Variants in LRRC4C observed in about 807,000 individuals in gnomAD.
LRRC4C encodes the protein leucine-rich repeat-containing protein 4C.
A neutral mutation model predicts 33.6 loss-of-function variants in LRRC4C; 5 were observed. The ratio of observed to expected loss-of-function variants is 0.15; its 90% CI spans 0.08 to 0.31. The LOEUF (loss-of-function observed/expected upper bound fraction) is 0.31. Ranked by LOEUF, LRRC4C falls within the 10% of genes least tolerant of loss-of-function variation. LRRC4C has a pLI of 1.00. For missense variants in LRRC4C, 560 were observed against 796.7 expected (o/e 0.70, Z 3.58); for synonymous variants, 329 against 302.0 (o/e 1.09, Z -0.93).
Position 40,899,235 on chromosome 11 carries a change from C to T in LRRC4C, c.-407+34400G>A, listed in dbSNP as rs917419808. ...GTGTCCTCAAATCAGTTCTCCCTTT[C>T]TTCAGCTGTGCATCTACGATGCATT... On this transcript the variant is annotated intron_variant, in intron 2 of 6. Coordinates refer to ENST00000528697, the MANE Select transcript of LRRC4C (RefSeq NM_001258419.2). Among the ~76,000 whole-genome samples, 7 of 152,164 alleles carry T rather than the reference C, an allele frequency of 4.6e-5. No individual in the cohort carries two copies. The East Asian group carries it at 1.4e-3, about 29-fold the overall frequency.
At chr11:41,410,165 G>C (rs1954408170) in intron 1 of LRRC4C, among the ~76,000 whole-genome samples, 1 of 152,118 alleles carries the variant, frequency 6.6e-6, no homozygotes, top group Non-Finnish European at 1.5e-5. Context: ...AGTCGGGCTG[G>C]AGATGCCAGA....
chr11:41,369,864 A>T (rs959638878), intron 1 of LRRC4C, among the ~76,000 whole-genome samples: 1 of 152,224 alleles, frequency 6.6e-6, no homozygotes, highest in African/African-American at 2.4e-5. Flanking sequence ...ATGGATTTGC[A>T]TGATGACAAG....
chr11:40,740,412 T>C (rs939379203), intron 2 of LRRC4C, among the ~76,000 whole-genome samples: 1 of 152,070 alleles, frequency 6.6e-6, no homozygotes, highest in African/African-American at 2.4e-5. Flanking sequence ...TGTTGAGGAA[T>C]TTTTAATATG....
At chr11:41,459,198 G>C (rs1339373272) in intron 1 of LRRC4C, among the ~76,000 whole-genome samples, 1 of 151,996 alleles carries the variant, frequency 6.6e-6, no homozygotes, top group East Asian at 1.9e-4. Context: ...GAAAATGTTA[G>C]ATAAACAAGA....
chr11:40,947,563 A>C (rs1958461576), intron 1 of LRRC4C, among the ~76,000 whole-genome samples: 2 of 152,040 alleles, frequency 1.3e-5, no homozygotes, highest in Non-Finnish European at 2.9e-5. Flanking sequence ...AGTGTAGGGC[A>C]CTATCCCCTC....
chr11:40,543,617 C>T (rs1055401293), intron 3 of LRRC4C, among the ~76,000 whole-genome samples: 2 of 151,994 alleles, frequency 1.3e-5, no homozygotes, highest in African/African-American at 2.4e-5. Context: ...AAAATTGAGT[C>T]TTTCATTTGT....
At chr11:40,200,685 G>A (rs1255905053) in intron 5 of LRRC4C, among the ~76,000 whole-genome samples, 2 of 140,414 alleles carry the variant, frequency 1.4e-5, no homozygotes, top group Non-Finnish European at 3.0e-5. Flanking sequence ...TACATTGCTT[G>A]AACCCAGGAG....
At chr11:40,756,196 C>A (rs542636247) in intron 2 of LRRC4C, among the ~76,000 whole-genome samples, 2 of 152,056 alleles carry the variant, frequency 1.3e-5, no homozygotes, top group East Asian at 3.9e-4. Flanking sequence ...CTTCCAGCCT[C>A]CAGAACTGTG....
intron 1 of LRRC4C, among the ~76,000 whole-genome samples, chr11:41,330,338 G>C (rs889903840): frequency 1.3e-5 from 2 of 150,914 alleles, no homozygotes; most frequent in African/African-American, 4.9e-5. Flanking sequence ...GTTTTGTTTT[G>C]TTTTAATTAT....
intron 3 of LRRC4C, among the ~76,000 whole-genome samples, chr11:40,510,211 T>TTA (rs149378870): frequency 3.2e-4 from 47 of 148,402 alleles, no homozygotes; most frequent in East Asian, 9.7e-4. Context: ...CTATATGTAT[T>TTA]TATATATATA....
At chr11:40,775,962 T>C (rs1287533907) in intron 2 of LRRC4C, among the ~76,000 whole-genome samples, 1 of 151,098 alleles carries the variant, frequency 6.6e-6, no homozygotes, top group Non-Finnish European at 1.5e-5. Flanking sequence ...TGTTAGTTTA[T>C]TGTGGATTTT....
chr11:40,666,973 T>C (rs1024768593), intron 2 of LRRC4C, among the ~76,000 whole-genome samples: 1 of 152,176 alleles, frequency 6.6e-6, no homozygotes, highest in Non-Finnish European at 1.5e-5. Context: ...CAAATTGCCA[T>C]CAATGGTTTT....
At chr11:41,170,696 C>T (rs1283602144) in intron 1 of LRRC4C, among the ~76,000 whole-genome samples, 1 of 152,134 alleles carries the variant, frequency 6.6e-6, no homozygotes, top group African/African-American at 2.4e-5. Flanking sequence ...TAGGCATGGG[C>T]AAGGACTTCA....
intron 3 of LRRC4C, among the ~76,000 whole-genome samples, chr11:40,458,694 T>C (rs549004567): frequency 6.6e-6 from 1 of 152,250 alleles, no homozygotes; most frequent in East Asian, 1.9e-4. Context: ...TAGGCAAGGA[T>C]TCCAACAGTC....
At chr11:40,762,508 G>A (rs149132043) in intron 2 of LRRC4C, among the ~76,000 whole-genome samples, 85 of 152,266 alleles carry the variant, frequency 5.6e-4, no homozygotes, top group African/African-American at 1.9e-3. Context: ...ACTTGATGGT[G>A]TGGAATAGGC....
At chr11:40,443,717 T>A (rs1368897841) in intron 3 of LRRC4C, among the ~76,000 whole-genome samples, 1 of 152,180 alleles carries the variant, frequency 6.6e-6, no homozygotes. Context: ...GTATTTACAG[T>A]GTGAAGGTAG....
At chr11:41,275,393 T>C (rs982828872) in intron 1 of LRRC4C, among the ~76,000 whole-genome samples, 1 of 152,164 alleles carries the variant, frequency 6.6e-6, no homozygotes, top group Non-Finnish European at 1.5e-5. Flanking sequence ...TTTTTGCAAC[T>C]CTATTCAAAC....
chr11:40,954,847 G>A (rs1009027675), intron 1 of LRRC4C, among the ~76,000 whole-genome samples: 1 of 151,756 alleles, frequency 6.6e-6, no homozygotes, highest in Non-Finnish European at 1.5e-5. Context: ...TGACTGGCTA[G>A]GGCATTCTTG....
At chr11:40,879,225 G>T (rs773309634) in intron 2 of LRRC4C, among the ~76,000 whole-genome samples, 1 of 152,026 alleles carries the variant, frequency 6.6e-6, no homozygotes, top group Non-Finnish European at 1.5e-5. Context: ...AATATTAAAG[G>T]TTTAAAATCT....
Sources: allele counts gnomAD v4.1 joint callset (sites outside exome capture counted in the v4.1 genomes callset), GRCh38; gene constraint gnomAD v4.1.1; transcripts MANE v1.5; gene names NCBI Gene and HGNC (gene_info 2026-07-23, HGNC 2026-07-21).